SUB1: variants seen among roughly 807,000 people sequenced by gnomAD.
SUB1 encodes activated RNA polymerase II transcriptional coactivator p15.
A neutral mutation model predicts 16.9 loss-of-function variants in SUB1; 1 was observed. The ratio of observed to expected loss-of-function variants is 0.06; its 90% CI spans 0.02 to 0.28. The LOEUF (loss-of-function observed/expected upper bound fraction) is 0.28. Among genes scored for constraint, SUB1 ranks in the 10% least tolerant of loss-of-function variants. SUB1 has a pLI of 1.00. For synonymous variants in SUB1, 51 were observed against 46.9 expected (o/e 1.09, Z -0.36); for missense variants, 84 against 145.2 (o/e 0.58, Z 2.16).
At chr5:32,593,318 T>C (rs1253093541) in intron 3 of SUB1, among the ~76,000 whole-genome samples, 1 of 152,094 alleles carries the variant, frequency 6.6e-6, no homozygotes, top group African/African-American at 2.4e-5. Context: ...ACTGTAGACA[T>C]TTATATGACT....
rs1286821811 is a variant in SUB1, at chr5:32,602,314, AGAG to A, written c.*1233_*1235del. On this transcript the variant is annotated 3_prime_UTR_variant, in exon 5 of 5. Coordinates refer to ENST00000265073, the MANE Select transcript of SUB1 (RefSeq NM_006713.4). Reference sequence around the variant, plus strand: ...CTGAAATTAAAGGAGGCGGCAGTGAAGAGGAAATAATTCTCTTCTATCTAAATG... The same window carrying A: ...CTGAAATTAAAGGAGGCGGCAGTGAAGAAATAATTCTCTTCTATCTAAATG... The A allele has an allele frequency of 6.9e-6, 3 of 433,614 alleles. No homozygotes were observed. Among genetic ancestry groups the A allele is most frequent in the Admixed American group, 5.3e-5 (2 of 37,882 alleles). 26.9% of individuals were successfully genotyped at this position (433,614 alleles called of 1,614,324 possible).
intron 2 of SUB1, 122 bp from the exon 3 acceptor site, chr5:32,591,441 A>G (rs565622233): frequency 1.1e-5 from 15 of 1,313,006 alleles, no homozygotes; most frequent in African/African-American, 1.1e-4. Flanking sequence ...GCTTATGTAT[A>G]TATTTATGAT....
chr5:32,590,268 T>C (rs1260351368), intron 2 of SUB1, among the ~76,000 whole-genome samples: 2 of 152,172 alleles, frequency 1.3e-5, no homozygotes, highest in African/African-American at 4.8e-5. Flanking sequence ...CCTAGCTTCA[T>C]CTAATTTGGT....
At chr5:32,585,711 T>A (rs1738637559) in intron 1 of SUB1, 86 bp downstream of exon 1, 1 of 152,322 alleles carries the variant, frequency 6.6e-6, no homozygotes, top group Non-Finnish European at 1.5e-5. Flanking sequence ...CCTCCACTCC[T>A]CTCGCCGGCA....
At chr5:32,589,747 G>C (rs1005999056) in intron 2 of SUB1, among the ~76,000 whole-genome samples, 1 of 152,144 alleles carries the variant, frequency 6.6e-6, no homozygotes, top group African/African-American at 2.4e-5. Flanking sequence ...TAAGTTGGTC[G>C]TGTTTTTCCT....
chr5:32,588,363 C>T (rs1226812353), intron 1 of SUB1, 149 bp from the exon 2 acceptor site: 3 of 649,460 alleles, frequency 4.6e-6, no homozygotes, highest in Non-Finnish European at 7.9e-6. Flanking sequence ...TAGATTAAAA[C>T]TTGTGCTCAG....
At chr5:32,590,572 T>G (rs1232873490) in intron 2 of SUB1, among the ~76,000 whole-genome samples, 5 of 151,502 alleles carry the variant, frequency 3.3e-5, no homozygotes, top group African/African-American at 1.2e-4. Context: ...CTCTAAAGAT[T>G]TGCCTAATTG....
intron 4 of SUB1, among the ~76,000 whole-genome samples, chr5:32,600,490 C>T (rs777643020): frequency 1.4e-4 from 22 of 152,148 alleles, no homozygotes; most frequent in Non-Finnish European, 2.6e-4. Context: ...GCAGGATGCA[C>T]TGTGGAAAGT....
Position 32,602,389 on chromosome 5 carries a change from A to T in SUB1, c.*1305A>T, listed in dbSNP as rs1739137193. Reference sequence around the variant, plus strand: ...ATTTTTATAACAGCAGTGGAACACAATTCTAGGTAGAGTAGAAAAAGGAAA... The same window carrying T: ...ATTTTTATAACAGCAGTGGAACACATTTCTAGGTAGAGTAGAAAAAGGAAA... On this transcript the variant is annotated 3_prime_UTR_variant, in exon 5 of 5. Transcript: ENST00000265073. The T allele has an allele frequency of 3.6e-6, 1 of 276,968 alleles. No homozygotes were observed. Among genetic ancestry groups the T allele is most frequent in the Non-Finnish European group, 7.3e-6 (1 of 137,622 alleles). 17.2% of individuals were successfully genotyped at this position (276,968 alleles called of 1,614,324 possible).
intron 1 of SUB1, chr5:32,586,074 A>G (rs1192838581): frequency 6.6e-6 from 1 of 152,332 alleles, no homozygotes. Context: ...CCGGGGGAAG[A>G]ACGGCTGATG....
At chr5:32,586,516 G>A (rs1738673195) in intron 1 of SUB1, 2 of 151,464 alleles carry the variant, frequency 1.3e-5, no homozygotes, top group African/African-American at 4.9e-5. Context: ...ATATATATTT[G>A]TTAAAAGTTT....
intron 2 of SUB1, chr5:32,591,358 G>A (rs1210448885): frequency 8.6e-6 from 5 of 584,746 alleles, no homozygotes; most frequent in Non-Finnish European, 1.3e-5. Context: ...TTGGGATCCT[G>A]AGAACAGAGT....
At chr5:32,594,741 C>A in intron 3 of SUB1, 1 of 269,366 alleles carries the variant, frequency 3.7e-6, no homozygotes, top group Non-Finnish European at 7.8e-6. Context: ...CTAGGTTGTG[C>A]GTTCCTTATT....
At chr5:32,599,159 C>T (rs761388300) in intron 4 of SUB1, 90 bp downstream of exon 4, 103 of 881,802 alleles carry the variant, frequency 1.2e-4, no homozygotes, top group Middle Eastern at 6.5e-4. Context: ...GCAGGACACA[C>T]GGGGCAAGGA....
At chr5:32,598,183 G>GCTGGGATCATAGGCATGCACCA (rs1209158797) in intron 3 of SUB1, 1 of 152,156 alleles carries the variant, frequency 6.6e-6, no homozygotes, top group South Asian at 2.1e-4. Flanking sequence ...CTCCTGAGTA[G>GCTGGGATCATAGGCATGCACCA]CTGGGATCAT....
At chr5:32,598,204 C>T (rs1739026095) in intron 3 of SUB1, 1 of 152,198 alleles carries the variant, frequency 6.6e-6, no homozygotes, top group African/African-American at 2.4e-5. Context: ...AGGCATGCAC[C>T]ACTGCTTCTG....
In SUB1 at chr5:32,591,705, T is replaced by TTC; in HGVS notation, c.195+21_195+22insCT. The TTC allele has an allele frequency of 6.5e-7, 1 of 1,540,550 alleles. No individual in the cohort carries two copies. Among genetic ancestry groups the TTC allele is most frequent in the South Asian group, 1.2e-5 (1 of 80,262 alleles). On this transcript the variant is annotated intron_variant, in intron 3 of 4. Transcript: ENST00000265073. ...TTTCAGGTAAAGTTGGCTATTTTTT[T>TTC]TTTTTTTTTTTTTGACATGGAGTCA...
rs1023495063 is a variant in SUB1, at chr5:32,601,405, T to C, written c.*321T>C. 5.0e-6 allele frequency: 1 copy of C among 200,594 alleles called. No individual in the cohort carries two copies. The highest frequency in any genetic ancestry group is 2.3e-5 in the African/African-American group (1 of 42,648). The allele number at this position is 200,594 out of a possible 1,614,324, so 12.4% of individuals were successfully genotyped here. ...AAAAGTAACAGTTTTTATAGATCTT[T>C]TAGTTTCAACTCAGCTTTTACAATA... On this transcript the variant is annotated 3_prime_UTR_variant, in exon 5 of 5. Coordinates refer to ENST00000265073, the MANE Select transcript of SUB1 (RefSeq NM_006713.4).
At chr5:32,592,655 A>G (rs966739338) in intron 3 of SUB1, among the ~76,000 whole-genome samples, 1 of 152,240 alleles carries the variant, frequency 6.6e-6, no homozygotes, top group African/African-American at 2.4e-5. Context: ...GTTAGGAAGA[A>G]TGGACCAGAG....
Sources: allele counts gnomAD v4.1 joint callset (sites outside exome capture counted in the v4.1 genomes callset), GRCh38; gene constraint gnomAD v4.1.1; transcripts MANE v1.5; gene names NCBI Gene and HGNC (gene_info 2026-07-23, HGNC 2026-07-21).